The following SH3RF3 variants were observed in gnomAD, a reference collection of about 807,000 sequenced individuals.
SH3RF3 encodes the protein E3 ubiquitin-protein ligase SH3RF3.
In SH3RF3, 29 loss-of-function variants were observed where a neutral mutation model predicts 66.3. The ratio of observed to expected loss-of-function variants is 0.44; its 90% CI spans 0.33 to 0.60. The LOEUF is 0.60. SH3RF3 is among the 20% of genes least tolerant of loss of function. The probability of loss-of-function intolerance (pLI) is 0.04; values close to 1 mark genes in which losing one functional copy is unlikely to be tolerated. For missense variants in SH3RF3, 1,194 were observed against 1,190.9 expected (o/e 1.00, Z -0.04); for synonymous variants, 583 against 532.0 (o/e 1.10, Z -1.32).
intron 1 of SH3RF3, among the ~76,000 whole-genome samples, chr2:109,271,008 TC>T (rs1446101270): frequency 1.3e-5 from 2 of 152,228 alleles, no homozygotes; most frequent in Non-Finnish European, 2.9e-5. Context: ...GGGTCACCCC[TC>T]ATTGAACATT....
intron 1 of SH3RF3, among the ~76,000 whole-genome samples, chr2:109,240,037 C>G (rs887433631): frequency 6.6e-6 from 1 of 152,242 alleles, no homozygotes; most frequent in Middle Eastern, 3.4e-3. Flanking sequence ...TAGTGGTGGC[C>G]GGGGCTCTGG....
chr2:109,383,319 G>A (rs1675744155), intron 3 of SH3RF3, among the ~76,000 whole-genome samples: 1 of 152,214 alleles, frequency 6.6e-6, no homozygotes, highest in Non-Finnish European at 1.5e-5. Context: ...GGGGGGTCAT[G>A]GGGGACCCCA....
At chr2:109,339,299 A>G (rs1315097887) in intron 1 of SH3RF3, among the ~76,000 whole-genome samples, 1 of 152,134 alleles carries the variant, frequency 6.6e-6, no homozygotes, top group African/African-American at 2.4e-5. Flanking sequence ...GGGGGGTAAC[A>G]TGAAAGTAAT....
intron 1 of SH3RF3, among the ~76,000 whole-genome samples, chr2:109,299,574 G>A (rs911314789): frequency 6.6e-6 from 1 of 152,124 alleles, no homozygotes; most frequent in African/African-American, 2.4e-5. Context: ...ATCATCATGG[G>A]GTGACATTTC....
intron 5 of SH3RF3, among the ~76,000 whole-genome samples, chr2:109,423,231 G>A (rs1219482467): frequency 6.6e-6 from 1 of 152,096 alleles, no homozygotes; most frequent in Admixed American, 6.5e-5. Context: ...GGAAGCCCAG[G>A]GGAATCGTGG....
chr2:109,341,115 G>A (rs994746706), intron 1 of SH3RF3, among the ~76,000 whole-genome samples: 1 of 152,180 alleles, frequency 6.6e-6, no homozygotes, highest in Non-Finnish European at 1.5e-5. Context: ...TTGGATGAAT[G>A]AGTGTGCAAA....
intron 1 of SH3RF3, among the ~76,000 whole-genome samples, chr2:109,130,895 C>T (rs990597009): frequency 5.9e-5 from 9 of 152,034 alleles, no homozygotes; most frequent in African/African-American, 1.9e-4. Context: ...TATTACACAC[C>T]CTTGCCACCT....
In SH3RF3 at chr2:109,413,861, G is replaced by A. The variant is rs534850936; in HGVS notation, c.1300-5678G>A. Among the ~76,000 whole-genome samples, 318 of 152,336 alleles carry A rather than the reference G, an allele frequency of 2.1e-3. 1 individual carries two copies. Among genetic ancestry groups the A allele is most frequent in the African/African-American group, 7.4e-3 (308 of 41,576 alleles). ...CTTTCCCTGCAGGGAGCACACTGGG[G>A]TCTTCCGCATCCCATGAGTGGGATC... On this transcript the variant is annotated intron_variant, in intron 4 of 9. Coordinates refer to ENST00000309415, the MANE Select transcript of SH3RF3 (RefSeq NM_001099289.3).
At chr2:109,302,266 C>G (rs1335485247) in intron 1 of SH3RF3, among the ~76,000 whole-genome samples, 1 of 134,574 alleles carries the variant, frequency 7.4e-6, no homozygotes, top group Non-Finnish European at 1.6e-5. Flanking sequence ...ATACCTGAAT[C>G]CTGGGGCATT....
chr2:109,419,771 C>A, intron 5 of SH3RF3, 129 bp downstream of exon 5: 1 of 780,626 alleles, frequency 1.3e-6, no homozygotes, highest in Non-Finnish European at 2.0e-6. Context: ...TAGTTATGTG[C>A]GTCTAATAAC....
At chr2:109,130,923 A>G (rs1676679244) in intron 1 of SH3RF3, among the ~76,000 whole-genome samples, 1 of 152,144 alleles carries the variant, frequency 6.6e-6, no homozygotes, top group Non-Finnish European at 1.5e-5. Context: ...AGTTACCAGG[A>G]GAGAGGGCAT....
chr2:109,463,571 G>A (rs1179403956), intron 8 of SH3RF3, among the ~76,000 whole-genome samples: 8 of 152,298 alleles, frequency 5.3e-5, no homozygotes, highest in Admixed American at 3.9e-4. Context: ...GGAAATATTA[G>A]TTACTTCCAA....
chr2:109,452,242 G>C (rs1677894131), intron 8 of SH3RF3, among the ~76,000 whole-genome samples: 1 of 152,312 alleles, frequency 6.6e-6, no homozygotes, highest in African/African-American at 2.4e-5. Flanking sequence ...GCTGGGCTAG[G>C]GGGCTGCAGC....
intron 1 of SH3RF3, among the ~76,000 whole-genome samples, chr2:109,200,494 T>C (rs1321231577): frequency 6.6e-6 from 1 of 152,196 alleles, no homozygotes; most frequent in Non-Finnish European, 1.5e-5. Context: ...TGTGTCCTGC[T>C]CAGTCGGCGG....
chr2:109,437,918 G>A (rs1288180112), intron 7 of SH3RF3, among the ~76,000 whole-genome samples: 1 of 152,132 alleles, frequency 6.6e-6, no homozygotes, highest in Non-Finnish European at 1.5e-5. Flanking sequence ...AGCCAGTGAT[G>A]CTGACATGAT....
chr2:109,251,136 G>T (rs995322322), intron 1 of SH3RF3, among the ~76,000 whole-genome samples: 2 of 152,016 alleles, frequency 1.3e-5, no homozygotes, highest in Non-Finnish European at 2.9e-5. Flanking sequence ...CACAGTAGCT[G>T]GGATTACAGG....
At chr2:109,367,594 T>C (rs1683175658) in intron 2 of SH3RF3, among the ~76,000 whole-genome samples, 1 of 152,240 alleles carries the variant, frequency 6.6e-6, no homozygotes, top group African/African-American at 2.4e-5. Context: ...TTTTTTGAAT[T>C]TAATATTAAC....
In SH3RF3 at chr2:109,503,356, G is replaced by A. The variant is rs999338325; in HGVS notation, c.*1685G>A. ...GCATGAAGACTTTGAAACACGGGCC[G>A]CTTATTTTCAGAGTTCCTGTTTTGG... On this transcript the variant is annotated 3_prime_UTR_variant, in exon 10 of 10. Coordinates refer to ENST00000309415, the MANE Select transcript of SH3RF3 (RefSeq NM_001099289.3). 4.6e-5 allele frequency: 7 copies of A among 152,070 alleles called. No homozygotes were observed. Among genetic ancestry groups the A allele is most frequent in the South Asian group, 4.2e-4 (2 of 4,810 alleles). The allele number at this position is 152,070 out of a possible 1,614,324, so 9.4% of individuals were successfully genotyped here. A position where few individuals can be genotyped will look rare whatever the true frequency, so the allele number is the denominator to read the frequency against.
chr2:109,277,735 A>G (rs1384588678), intron 1 of SH3RF3, among the ~76,000 whole-genome samples: 2 of 152,248 alleles, frequency 1.3e-5, no homozygotes, highest in African/African-American at 4.8e-5. Flanking sequence ...CATTACCACA[A>G]GCGTGGCTGT....
Sources: gnomAD v4.1 joint callset for allele counts (sites outside exome capture counted in the v4.1 genomes callset) on GRCh38, gnomAD v4.1.1 for gene constraint, MANE v1.5 for transcripts, NCBI Gene and HGNC (gene_info 2026-07-23, HGNC 2026-07-21) for gene names.